Variants in PARD3B observed in about 807,000 individuals in gnomAD.
PARD3B encodes the protein partitioning defective 3 homolog B.
Under a neutral mutation model 130.2 loss-of-function variants are expected in PARD3B, and 103 were observed. The ratio of observed to expected loss-of-function variants is 0.79; its 90% CI spans 0.67 to 0.93. PARD3B has a LOEUF of 0.93. Among genes scored for constraint, PARD3B ranks in the 40% least tolerant of loss-of-function variants. The pLI, the probability that PARD3B is intolerant of heterozygous loss-of-function variation, is 0.00. For synonymous variants in PARD3B, 583 were observed against 553.2 expected (o/e 1.05, Z -0.76); for missense variants, 1,609 against 1,499.2 (o/e 1.07, Z -1.21).
chr2:205,504,802 C>T (rs1256493706), intron 21 of PARD3B, among the ~76,000 whole-genome samples: 1 of 152,152 alleles, frequency 6.6e-6, no homozygotes, highest in Non-Finnish European at 1.5e-5. Flanking sequence ...GGACTGTAAA[C>T]CAGTTCAAGC....
intron 2 of PARD3B, among the ~76,000 whole-genome samples, chr2:204,828,380 G>T (rs1321167322): frequency 6.6e-6 from 1 of 152,240 alleles, no homozygotes; most frequent in East Asian, 1.9e-4. Context: ...CTCTGCTCCA[G>T]TGATTCTCAA....
At position 205,037,134 on chromosome 2, in the gene PARD3B, G is replaced by A. The variant is rs1267288566; in HGVS notation, c.395-10447G>A. On this transcript the variant is annotated intron_variant, in intron 3 of 22. Transcript: ENST00000406610. ...TATATAAAACAAATATACATATATA[G>A]CGGACTGTATATATAAAACAAATAT... Among the ~76,000 whole-genome samples the A allele has an allele frequency of 2.7e-5, 4 of 146,018 alleles. No homozygotes were observed. In the East Asian group the frequency reaches 8.1e-4, roughly 30 times the overall value.
intron 15 of PARD3B, among the ~76,000 whole-genome samples, chr2:205,235,209 G>A (rs1261688950): frequency 3.9e-5 from 6 of 152,168 alleles, no homozygotes; most frequent in East Asian, 1.9e-4. Context: ...TCATTTGAGC[G>A]TAGGAGTTTG....
intron 21 of PARD3B, among the ~76,000 whole-genome samples, chr2:205,539,866 T>G (rs376176195): frequency 1.3e-5 from 2 of 151,864 alleles, no homozygotes; most frequent in African/African-American, 4.8e-5. Context: ...TCAGGTGAAG[T>G]TTTTTCAAAG....
At chr2:204,710,729 T>C (rs1255286082) in intron 2 of PARD3B, among the ~76,000 whole-genome samples, 2 of 152,242 alleles carry the variant, frequency 1.3e-5, no homozygotes, top group Non-Finnish European at 2.9e-5. Context: ...CTTACATAGA[T>C]TCTTGTCCTA....
intron 4 of PARD3B, among the ~76,000 whole-genome samples, chr2:205,103,168 TA>T (rs1442873783): frequency 1.2e-5 from 1 of 85,960 alleles, no homozygotes; most frequent in Non-Finnish European, 2.8e-5. Context: ...AAACATATTT[TA>T]TATTTATGTA....
Position 204,561,951 on chromosome 2 carries a change from G to A in PARD3B, c.120+15832G>A, listed in dbSNP as rs1009841499. The stretch of plus-strand genomic sequence containing the variant: ...CCTGGCCTGTTGGGTCTCAAACAAT[G>A]GCAAGGGATTGCCGCTGTTAGGACC... On this transcript the variant is annotated intron_variant, in intron 1 of 22. Coordinates refer to ENST00000406610, the MANE Select transcript of PARD3B (RefSeq NM_001302769.2). 5.9e-5 allele frequency among the ~76,000 whole-genome samples: 9 copies of A among 152,072 alleles called. 1 individual carries two copies. Among genetic ancestry groups the A allele is most frequent in the Admixed American group, 3.9e-4 (6 of 15,272 alleles).
Position 205,449,285 on chromosome 2 carries a change from A to G in PARD3B, c.3044+8613A>G, listed in dbSNP as rs151207123. The stretch of plus-strand genomic sequence containing the variant: ...CCTCTTGTTGCCCAGGCTAGAATGC[A>G]GTGGCGCGATCTCAGCTCACTGCTA... On this transcript the variant is annotated intron_variant, in intron 20 of 22. Coordinates refer to ENST00000406610, the MANE Select transcript of PARD3B (RefSeq NM_001302769.2). Among the ~76,000 whole-genome samples, 1,180 of 150,298 alleles carry G rather than the reference A, an allele frequency of 7.9e-3. 16 individuals carry two copies. Among genetic ancestry groups the G allele is most frequent in the African/African-American group, 0.026 (1,077 of 40,874 alleles).
chr2:205,272,358 T>C lies in PARD3B; in HGVS notation c.2185+26536T>C, dbSNP rs1021022629. On this transcript the variant is annotated intron_variant, in intron 16 of 22. Coordinates refer to ENST00000406610, the MANE Select transcript of PARD3B (RefSeq NM_001302769.2). ...GTTTCTATAATTATTTTCCCCACAATTATATTTGTATCTGATAGACCGTAT... is the reference window on the plus strand; with the variant it reads ...GTTTCTATAATTATTTTCCCCACAACTATATTTGTATCTGATAGACCGTAT... Among the ~76,000 whole-genome samples, 22 of 152,168 alleles carry C rather than the reference T, an allele frequency of 1.4e-4. 1 individual carries two copies. The highest frequency in any genetic ancestry group is 2.4e-4 in the Non-Finnish European group (16 of 68,022).
chr2:205,554,965 A>G (rs1299089472), intron 22 of PARD3B, among the ~76,000 whole-genome samples: 1 of 149,448 alleles, frequency 6.7e-6, no homozygotes, highest in African/African-American at 2.4e-5. Flanking sequence ...CCATTCCCCC[A>G]AGGAATGGGG....
At chr2:204,550,440 G>GTGTGTT in intron 1 of PARD3B, among the ~76,000 whole-genome samples, 1 of 151,914 alleles carries the variant, frequency 6.6e-6, no homozygotes, top group Non-Finnish European at 1.5e-5. Context: ...GTGTGTGTGT[G>GTGTGTT]TGTGTGTGTA....
chr2:205,367,513 C>G (rs2044654114), intron 18 of PARD3B, among the ~76,000 whole-genome samples: 1 of 152,304 alleles, frequency 6.6e-6, no homozygotes, highest in East Asian at 1.9e-4. Flanking sequence ...TTAAAAAACA[C>G]TAGGGACTCC....
chr2:205,154,437 A>G (rs1394071666), intron 10 of PARD3B, among the ~76,000 whole-genome samples: 1 of 152,222 alleles, frequency 6.6e-6, no homozygotes, highest in Non-Finnish European at 1.5e-5. Context: ...GGACACTTTT[A>G]CACTGTTGTG....
chr2:205,424,720 A>G (rs757619533), intron 19 of PARD3B, among the ~76,000 whole-genome samples: 7 of 152,272 alleles, frequency 4.6e-5, no homozygotes, highest in South Asian at 4.1e-4. Flanking sequence ...GTAGCTTACA[A>G]TACCCCAGAC....
At chr2:205,278,063 G>A (rs2041021057) in intron 16 of PARD3B, among the ~76,000 whole-genome samples, 1 of 152,158 alleles carries the variant, frequency 6.6e-6, no homozygotes, top group African/African-American at 2.4e-5. Context: ...AGGATTTCAA[G>A]TAGGAAGGGT....
rs1450279913 is a variant in PARD3B at position 205,461,005 on chromosome 2, C to T, written c.3044+20333C>T. ...TTTAACAGTCATTTGATTTCCATAA[C>T]ATTCATTAAATTAATGAATCTCCAT... On this transcript the variant is annotated intron_variant, in intron 20 of 22. Coordinates refer to ENST00000406610, the MANE Select transcript of PARD3B (RefSeq NM_001302769.2). The surrounding 1 kb of genome is among the most constrained non-coding windows in gnomAD (Gnocchi z 4.3). Among the ~76,000 whole-genome samples the T allele has an allele frequency of 6.6e-6, 1 of 152,204 alleles. No homozygotes were observed. The highest frequency in any genetic ancestry group is 2.1e-4 in the South Asian group (1 of 4,826).
intron 16 of PARD3B, among the ~76,000 whole-genome samples, chr2:205,273,591 A>G (rs889242240): frequency 6.6e-6 from 1 of 152,208 alleles, no homozygotes; most frequent in Non-Finnish European, 1.5e-5. Flanking sequence ...AATACTGAGT[A>G]AAAATACAAA....
intron 2 of PARD3B, among the ~76,000 whole-genome samples, chr2:204,827,023 CA>C (rs149361946): frequency 3.3e-5 from 5 of 151,570 alleles, no homozygotes; most frequent in Non-Finnish European, 7.4e-5. Flanking sequence ...CTGTCTCTTC[CA>C]AAAAAAATCT....
At chr2:205,238,104 G>T (rs547492320) in intron 15 of PARD3B, among the ~76,000 whole-genome samples, 1 of 152,060 alleles carries the variant, frequency 6.6e-6, no homozygotes, top group Non-Finnish European at 1.5e-5. Flanking sequence ...TACACATGCC[G>T]CATTCACTCA....
Sources: gnomAD v4.1 joint callset for allele counts (sites outside exome capture counted in the v4.1 genomes callset) on GRCh38, gnomAD v4.1.1 for gene constraint, Gnocchi (gnomAD v3.1) non-coding constraint, MANE v1.5 for transcripts, NCBI Gene and HGNC (gene_info 2026-07-23, HGNC 2026-07-21) for gene names.